Variants in CDH13 observed in about 807,000 individuals in gnomAD.
CDH13 encodes the protein cadherin-13.
A neutral mutation model predicts 63.8 loss-of-function variants in CDH13; 24 were observed. The observed-to-expected ratio is 0.38, with a 90% CI of 0.27 to 0.53. The LOEUF (loss-of-function observed/expected upper bound fraction) is 0.53. CDH13 is among the 20% of genes least tolerant of loss of function. The pLI is 0.85. For missense variants in CDH13, 1,049 were observed against 903.1 expected (o/e 1.16, Z -2.07); for synonymous variants, 503 against 355.3 (o/e 1.42, Z -4.67).
intron 8 of CDH13, among the ~76,000 whole-genome samples, chr16:83,665,752 G>C (rs1208684006): frequency 4.6e-5 from 7 of 152,108 alleles, no homozygotes; most frequent in Admixed American, 2.0e-4. Flanking sequence ...CTTGTCCTCT[G>C]TCACTTCTTT....
intron 6 of CDH13, among the ~76,000 whole-genome samples, chr16:83,362,198 T>C (rs1412369525): frequency 6.6e-6 from 1 of 152,178 alleles, no homozygotes; most frequent in East Asian, 1.9e-4. Flanking sequence ...AGCCCACCAG[T>C]GATTCAAGTT....
chr16:83,066,043 A>G (rs749328744), intron 3 of CDH13, among the ~76,000 whole-genome samples: 14 of 152,252 alleles, frequency 9.2e-5, no homozygotes, highest in Non-Finnish European at 1.8e-4. Flanking sequence ...TCTTAAGCAT[A>G]AGAGCTGTAA....
chr16:83,495,705 G>C (rs1358961956), intron 7 of CDH13, among the ~76,000 whole-genome samples: 1 of 152,160 alleles, frequency 6.6e-6, no homozygotes, highest in Non-Finnish European at 1.5e-5. Context: ...AGTCAGGCTG[G>C]AAAGTAAGCC....
At chr16:82,966,362 T>A (rs1391334432) in intron 2 of CDH13, among the ~76,000 whole-genome samples, 1 of 152,024 alleles carries the variant, frequency 6.6e-6, no homozygotes, top group African/African-American at 2.4e-5. Flanking sequence ...TTGGCTAGGA[T>A]GGTCTCGATT....
intron 2 of CDH13, among the ~76,000 whole-genome samples, chr16:82,993,222 C>G (rs1252655347): frequency 1.3e-5 from 2 of 152,134 alleles, no homozygotes; most frequent in African/African-American, 2.4e-5. Context: ...CACATTTTAT[C>G]TCCCAAAGGC....
intron 3 of CDH13, among the ~76,000 whole-genome samples, chr16:83,049,783 G>T (rs1247185335): frequency 1.3e-5 from 2 of 152,098 alleles, no homozygotes; most frequent in African/African-American, 4.8e-5. Flanking sequence ...TTTTTTGACT[G>T]TTATGAACAA....
chr16:83,534,758 A>G (rs1020554949), intron 7 of CDH13, among the ~76,000 whole-genome samples: 2 of 152,186 alleles, frequency 1.3e-5, no homozygotes, highest in African/African-American at 4.8e-5. Flanking sequence ...CTTCCTCACT[A>G]TTATGAGCAA....
rs143938434 is a variant in CDH13, at chr16:83,463,015, C to G, written c.782-23462C>G. 2.6e-3 allele frequency among the ~76,000 whole-genome samples: 392 copies of G among 152,102 alleles called. 2 individuals carry two copies. The highest frequency in any genetic ancestry group is 9.0e-3 in the African/African-American group (372 of 41,478). On this transcript the variant is annotated intron_variant, in intron 6 of 13. Transcript: ENST00000567109. Reference sequence around the variant, plus strand: ...ACAATGGTAAACCCAGTGTGCCAAGCTCTAGGCAGAGGATAAAACCACGAA... The same window carrying G: ...ACAATGGTAAACCCAGTGTGCCAAGGTCTAGGCAGAGGATAAAACCACGAA...
intron 10 of CDH13, among the ~76,000 whole-genome samples, chr16:83,720,305 T>A (rs1909518260): frequency 6.6e-6 from 1 of 151,920 alleles, no homozygotes; most frequent in South Asian, 2.1e-4. Context: ...ATACATGCAC[T>A]CATGCACACA....
At chr16:82,802,897 C>T (rs2036937389) in intron 1 of CDH13, among the ~76,000 whole-genome samples, 1 of 152,122 alleles carries the variant, frequency 6.6e-6, no homozygotes, top group African/African-American at 2.4e-5. Context: ...TGTGCTTTAC[C>T]TTTGCTGTCC....
intron 1 of CDH13, among the ~76,000 whole-genome samples, chr16:82,809,914 AG>A (rs960282107): frequency 2.0e-5 from 3 of 152,292 alleles, no homozygotes; most frequent in East Asian, 1.9e-4. Flanking sequence ...AGAAAAAAAA[AG>A]GGACAGATTT....
At position 82,901,539 on chromosome 16, in the gene CDH13, A is replaced by C. The variant is rs141465744; in HGVS notation, c.157+43066A>C. On this transcript the variant is annotated intron_variant, in intron 2 of 13. Transcript: ENST00000567109. ...GAGTGAATAGATCAAAGAATGAATGAAACTACCCTCTGCACTCTAGGTTCT... is the reference window on the plus strand; with the variant it reads ...GAGTGAATAGATCAAAGAATGAATGCAACTACCCTCTGCACTCTAGGTTCT... Among the ~76,000 whole-genome samples the C allele has an allele frequency of 3.3e-3, 502 of 152,262 alleles. 2 individuals are homozygous for C. The highest frequency in any genetic ancestry group is 0.011 in the African/African-American group (453 of 41,544).
chr16:83,756,571 T>A (rs948496410), intron 11 of CDH13, among the ~76,000 whole-genome samples: 1 of 152,218 alleles, frequency 6.6e-6, no homozygotes, highest in African/African-American at 2.4e-5. Flanking sequence ...TTTTTATAGC[T>A]CTTCAGCTAC....
intron 6 of CDH13, among the ~76,000 whole-genome samples, chr16:83,406,405 G>A (rs2092045221): frequency 6.7e-6 from 1 of 149,956 alleles, no homozygotes; most frequent in African/African-American, 2.5e-5. Flanking sequence ...TGGAACCCCA[G>A]CTCTCTTTCT....
At chr16:82,662,926 C>A (rs898862434) in intron 1 of CDH13, among the ~76,000 whole-genome samples, 1 of 152,158 alleles carries the variant, frequency 6.6e-6, no homozygotes, top group Non-Finnish European at 1.5e-5. Context: ...AAAGGACATG[C>A]CTTCTCCCAT....
At chr16:82,831,816 A>C (rs952385068) in intron 1 of CDH13, among the ~76,000 whole-genome samples, 1 of 152,198 alleles carries the variant, frequency 6.6e-6, no homozygotes, top group African/African-American at 2.4e-5. Flanking sequence ...TTTAAATGAC[A>C]TCTAAGGGCA....
At chr16:83,305,657 A>T (rs1023112093) in intron 5 of CDH13, among the ~76,000 whole-genome samples, 3 of 152,236 alleles carry the variant, frequency 2.0e-5, no homozygotes, top group Non-Finnish European at 2.9e-5. Context: ...ACTTGGAGCC[A>T]GATGGGAGTT....
chr16:82,650,139 A>G (rs1910558205), intron 1 of CDH13, among the ~76,000 whole-genome samples: 1 of 152,228 alleles, frequency 6.6e-6, no homozygotes, highest in Admixed American at 6.5e-5. Context: ...CCTGTCTTCC[A>G]GGGAGAAATA....
At chr16:83,086,883 C>G (rs72796277) in intron 3 of CDH13, among the ~76,000 whole-genome samples, 7,501 of 152,186 alleles carry the variant, frequency 0.049, 274 homozygotes, top group Non-Finnish European at 0.071. Context: ...AAGAATTAGA[C>G]TTGGCAGAAA....
Sources: gnomAD v4.1 joint callset for allele counts (sites outside exome capture counted in the v4.1 genomes callset) on GRCh38, gnomAD v4.1.1 for gene constraint, MANE v1.5 for transcripts, NCBI Gene and HGNC (gene_info 2026-07-23, HGNC 2026-07-21) for gene names.